The following VWDE variants were observed in gnomAD, a reference collection of about 807,000 sequenced individuals.
The protein encoded by VWDE is von Willebrand factor D and EGF domain-containing protein.
VWDE carries 207 observed loss-of-function variants against 178.4 expected under a neutral mutation model. That is an observed-to-expected ratio of 1.16 (90% CI 1.04 to 1.30). VWDE has a LOEUF of 1.30. Ranked by LOEUF, VWDE falls within the 50% of genes most tolerant of loss-of-function variation. The pLI is 0.00. For synonymous variants in VWDE, 738 were observed against 651.4 expected (o/e 1.13, Z -2.02); for missense variants, 2,287 against 1,901.3 (o/e 1.20, Z -3.77).
intron 4 of VWDE, among the ~76,000 whole-genome samples, chr7:12,382,166 G>A (rs888093955): frequency 3.3e-5 from 5 of 151,576 alleles, no homozygotes; most frequent in African/African-American, 1.2e-4. Flanking sequence ...CAAATTGTGT[G>A]CAATTTGCAT....
intron 13 of VWDE, among the ~76,000 whole-genome samples, chr7:12,364,475 G>A (rs919625723): frequency 2.6e-5 from 4 of 152,104 alleles, no homozygotes; most frequent in East Asian, 1.9e-4. Flanking sequence ...TTAAAAGGAC[G>A]TGTGAACGAA....
intron 21 of VWDE, among the ~76,000 whole-genome samples, chr7:12,343,461 C>CAT (rs984823639): frequency 2.2e-4 from 34 of 152,226 alleles, no homozygotes; most frequent in Admixed American, 2.0e-3. Flanking sequence ...CTTACTTATT[C>CAT]CTGCCTTACA....
intron 2 of VWDE, among the ~76,000 whole-genome samples, chr7:12,390,536 T>C (rs1204405551): frequency 1.3e-5 from 2 of 151,808 alleles, no homozygotes; most frequent in Non-Finnish European, 2.9e-5. Context: ...TATTGATATA[T>C]GTGATTGAAT....
chr7:12,403,204 T>C (rs1259899823), intron 1 of VWDE, among the ~76,000 whole-genome samples: 1 of 152,144 alleles, frequency 6.6e-6, no homozygotes, highest in Non-Finnish European at 1.5e-5. Flanking sequence ...GGTGATTTAT[T>C]GTAGGGATAA....
intron 7 of VWDE, chr7:12,377,503 G>C (rs901023774): frequency 8.8e-6 from 2 of 226,454 alleles, no homozygotes; most frequent in East Asian, 9.2e-5. Context: ...GAAAAAAAGA[G>C]GAGCGAGAGG....
chr7:12,343,128 G>C lies in VWDE; in HGVS notation c.4129C>G (p.Leu1377Val), dbSNP rs1781417870. 1.9e-6 allele frequency: 3 copies of C among 1,550,032 alleles called. No homozygotes were observed. The East Asian group carries it at 7.3e-5, about 38-fold the overall frequency. Reference protein sequence around the residue: ...QHGGTCLAGNLCTCPYGFVGP... With the variant: ...QHGGTCLAGNVCTCPYGFVGP... ...ACAAAACCATAAGGACAAGTGCAGA[G>C]ATTCCCAGCCAAGCATGTGCCACCA... The change falls in exon 22 of 29, where the codon CTC (leucine) becomes GTC (valine). Residue 1377 changes from leucine (L) to valine (V), a missense_variant. Physicochemically the swap from Leu to Val is conservative, Grantham distance 32 (BLOSUM62 1). Transcript: ENST00000275358.
intron 26 of VWDE, 104 bp from the exon 27 acceptor site, chr7:12,336,340 A>C: frequency 1.1e-6 from 1 of 922,436 alleles, no homozygotes. Context: ...AATAGTTACA[A>C]GTAAGTGATT....
In VWDE at chr7:12,357,369, A is replaced by G; in HGVS notation, c.3421T>C (p.Ser1141Pro). 6.4e-7 allele frequency: 1 copy of G among 1,551,994 alleles called. No individual in the cohort carries two copies. Among genetic ancestry groups the G allele is most frequent in the Admixed American group, 2.0e-5 (1 of 51,002 alleles). ...LDSGPEGASVSSAGLFMWKTD... is the reference protein window; with the variant it reads ...LDSGPEGASVPSAGLFMWKTD... ...TTCCACATAAAAAGCCCTGCAGAGGAAACACTTGCCCCTTCAGGACCAGAG... is the reference window on the plus strand; with the variant it reads ...TTCCACATAAAAAGCCCTGCAGAGGGAACACTTGCCCCTTCAGGACCAGAG... Residue 1141 changes from serine (S) to proline (P), a missense_variant, in exon 17 of 29, where the codon TCC (serine) becomes CCC (proline). Ser to Pro is a moderately conservative substitution (Grantham distance 74). Transcript: ENST00000275358.
In VWDE at chr7:12,369,785, C is replaced by G. The variant is rs1252666764; in HGVS notation, c.2521G>C (p.Asp841His). ...LDSVIEMCVK[D>H]VLLKDDLSWA... ...CTAAGATCATCTTTTAACAGAACAT[C>G]CTTCACACACATCTCTATAACACTG... The change falls in exon 12 of 29, where the codon GAT becomes CAT. Residue 841 changes from aspartate (D) to histidine (H), a missense_variant. Asp to His is a moderately conservative substitution (Grantham distance 81). Transcript: ENST00000275358. The G allele has an allele frequency of 1.3e-6, 2 of 1,551,454 alleles. No individual in the cohort carries two copies. Among genetic ancestry groups the G allele is most frequent in the Non-Finnish European group, 1.7e-6 (2 of 1,146,908 alleles).
intron 18 of VWDE, among the ~76,000 whole-genome samples, chr7:12,355,354 T>C (rs1782177390): frequency 6.6e-6 from 1 of 150,828 alleles, no homozygotes; most frequent in African/African-American, 2.4e-5. Context: ...AGGCGGAGCT[T>C]GCAGTGAGCT....
chr7:12,338,709 C>T (rs1781168986), intron 24 of VWDE, among the ~76,000 whole-genome samples: 1 of 152,078 alleles, frequency 6.6e-6, no homozygotes, highest in African/African-American at 2.4e-5. Flanking sequence ...CATTCTGTCA[C>T]CAAATCCTGA....
intron 26 of VWDE, 70 bp downstream of exon 26, chr7:12,336,918 C>A: frequency 7.3e-7 from 1 of 1,370,170 alleles, no homozygotes; most frequent in South Asian, 1.6e-5. Context: ...AAAAAATGCT[C>A]TGTTTTAAAC....
At chr7:12,334,553 T>G (rs754554738) in intron 27 of VWDE, among the ~76,000 whole-genome samples, 1 of 152,238 alleles carries the variant, frequency 6.6e-6, no homozygotes, top group Admixed American at 6.5e-5. Context: ...ATATCATAGA[T>G]TTGAATTTTT....
At chr7:12,401,389 C>A (rs575924419) in intron 1 of VWDE, among the ~76,000 whole-genome samples, 31 of 152,108 alleles carry the variant, frequency 2.0e-4, no homozygotes, top group African/African-American at 7.2e-4. Context: ...AAAATAATTG[C>A]AAATCACATA....
In VWDE at chr7:12,373,335, C is replaced by T. The variant is rs117021112; in HGVS notation, c.1317-88G>A. On this transcript the variant is annotated intron_variant, in intron 9 of 28. Coordinates refer to ENST00000275358, the MANE Select transcript of VWDE (RefSeq NM_001135924.3). ...TGATTTGCAACAGCTTTATGTATCA[C>T]GATCATTTTGTTGTATGCACTGAAG... The T allele has an allele frequency of 5.3e-3, 7,288 of 1,371,318 alleles. 27 individuals are homozygous for T. The highest frequency in any genetic ancestry group is 0.014 in the Middle Eastern group (68 of 4,988). The allele number at this position is 1,371,318 out of a possible 1,614,324, so 84.9% of individuals were successfully genotyped here. A position where few individuals can be genotyped will look rare whatever the true frequency, so the allele number is the denominator to read the frequency against.
At chr7:12,344,955 T>C (rs184340410) in intron 19 of VWDE, among the ~76,000 whole-genome samples, 57 of 152,142 alleles carry the variant, frequency 3.7e-4, no homozygotes, top group Non-Finnish European at 6.5e-4. Flanking sequence ...CAGATCTATA[T>C]TGACATCTTT....
At chr7:12,367,689 C>G (rs997641503) in intron 12 of VWDE, among the ~76,000 whole-genome samples, 196 bp from the exon 13 acceptor site, 1 of 151,882 alleles carries the variant, frequency 6.6e-6, no homozygotes, top group African/African-American at 2.4e-5. Context: ...TACCATCAAA[C>G]CAATAATAAT....
intron 8 of VWDE, 24 bp from the exon 9 acceptor site, chr7:12,374,786 TA>T: frequency 7.0e-7 from 1 of 1,435,638 alleles, no homozygotes; most frequent in Non-Finnish European, 9.4e-7. Context: ...ATATTTTTGG[TA>T]AATATTACCA....
chr7:12,350,595 G>T (rs1035002281), intron 19 of VWDE, among the ~76,000 whole-genome samples: 8 of 152,002 alleles, frequency 5.3e-5, no homozygotes, highest in Non-Finnish European at 1.0e-4. Flanking sequence ...TTCACTACAG[G>T]CTTTGTACTA....
Sources: gnomAD v4.1 joint callset for allele counts (sites outside exome capture counted in the v4.1 genomes callset) on GRCh38, gnomAD v4.1.1 for gene constraint, MANE v1.5 for transcripts, NCBI Gene and HGNC (gene_info 2026-07-23, HGNC 2026-07-21) for gene names.